The following LIMK2 variants were observed in gnomAD, a reference collection of about 807,000 sequenced individuals.
LIMK2 encodes LIM domain kinase 2.
Under a neutral mutation model 75.7 loss-of-function variants are expected in LIMK2, and 35 were observed. The ratio of observed to expected loss-of-function variants is 0.46; its 90% CI spans 0.35 to 0.61. The LOEUF (loss-of-function observed/expected upper bound fraction) is 0.61, where lower values mean the gene tolerates loss of function less well. LIMK2 is among the 20% of genes least tolerant of loss of function. LIMK2 has a pLI of 0.00. For missense variants in LIMK2, 623 were observed against 831.0 expected, an observed-to-expected ratio of 0.75 and a Z score of 3.08; for synonymous variants, 301 against 319.2, an observed-to-expected ratio of 0.94 and a Z score of 0.61.
chr22:31,222,203 T>A (rs2048439897), intron 1 of LIMK2, among the ~76,000 whole-genome samples: 1 of 151,762 alleles, frequency 6.6e-6, no homozygotes, highest in South Asian at 2.1e-4. Context: ...CCTGAGTAGC[T>A]GGGATTACAG....
chr22:31,223,486 T>A (rs2048453729), intron 1 of LIMK2, among the ~76,000 whole-genome samples: 1 of 152,132 alleles, frequency 6.6e-6, no homozygotes, highest in African/African-American at 2.4e-5. Context: ...AAGGTGTGGC[T>A]CTAAAATAAT....
intron 7 of LIMK2, among the ~76,000 whole-genome samples, chr22:31,264,689 G>A (rs1031075683): frequency 9.9e-5 from 15 of 152,172 alleles, no homozygotes; most frequent in Non-Finnish European, 1.8e-4. Flanking sequence ...TTGGGAGGCC[G>A]AGGCGGGCAA....
chr22:31,246,175 G>GCACACA (rs1300039438), intron 2 of LIMK2, among the ~76,000 whole-genome samples: 5 of 78,052 alleles, frequency 6.4e-5, no homozygotes, highest in Non-Finnish European at 1.4e-4. Flanking sequence ...TCCGACACAC[G>GCACACA]CACGCACGCA....
At chr22:31,276,965 T>G in intron 15 of LIMK2, 1 of 1,613,720 alleles carries the variant, frequency 6.2e-7, no homozygotes, top group Non-Finnish European at 8.5e-7. Context: ...GAAGAGGAGA[T>G]CTCAGAACTA....
At chr22:31,243,256 A>G (rs1339175909) in intron 2 of LIMK2, among the ~76,000 whole-genome samples, 2 of 152,104 alleles carry the variant, frequency 1.3e-5, no homozygotes, top group Non-Finnish European at 2.9e-5. Context: ...CTGCTGCTAT[A>G]ATGTAGAAAG....
intron 15 of LIMK2, chr22:31,275,514 A>G (rs1449114099): frequency 1.4e-5 from 8 of 557,338 alleles, no homozygotes; most frequent in African/African-American, 1.3e-4. Context: ...TAATCTGGAT[A>G]GGACACAGAA....
chr22:31,225,609 TA>T, intron 1 of LIMK2, 110 bp from the exon 2 acceptor site: 2 of 776,460 alleles, frequency 2.6e-6, no homozygotes, highest in South Asian at 3.1e-5. Flanking sequence ...AGCATTGGCC[TA>T]ACCCTTTCAA....
intron 15 of LIMK2, chr22:31,276,689 C>T: frequency 8.7e-7 from 1 of 1,155,724 alleles, no homozygotes; most frequent in Middle Eastern, 3.7e-4. Context: ...CGGAGGCCGC[C>T]GTGGCGGACA....
intron 1 of LIMK2, 124 bp from the exon 2 acceptor site, chr22:31,225,596 C>A: frequency 1.5e-6 from 1 of 671,634 alleles, no homozygotes; most frequent in Non-Finnish European, 2.7e-6. Context: ...GTGCATCTAG[C>A]AGAGCATTGG....
chr22:31,265,264 G>A (rs1396044819), intron 7 of LIMK2, among the ~76,000 whole-genome samples: 1 of 151,886 alleles, frequency 6.6e-6, no homozygotes, highest in East Asian at 1.9e-4. Flanking sequence ...TACTTGGGAG[G>A]CTGAGGCAGG....
In LIMK2 at chr22:31,245,344, C is replaced by T. The variant is rs142794073; in HGVS notation, c.117-12947C>T. 5.2e-3 allele frequency among the ~76,000 whole-genome samples: 788 copies of T among 152,242 alleles called. 5 individuals are homozygous for T. Among genetic ancestry groups the T allele is most frequent in the African/African-American group, 0.018 (748 of 41,534 alleles). On this transcript the variant is annotated intron_variant, in intron 2 of 15. Transcript: ENST00000331728. The stretch of plus-strand genomic sequence containing the variant: ...GAGACAGAGTTTCACTCTTGTTGCC[C>T]AGGCTGGAATGCAATGGCACGAACT...
intron 5 of LIMK2, among the ~76,000 whole-genome samples, chr22:31,260,876 A>G (rs942929334): frequency 3.9e-5 from 6 of 152,234 alleles, no homozygotes; most frequent in Non-Finnish European, 8.8e-5. Flanking sequence ...GCTGTTAAGT[A>G]TAGAGGGCCT....
intron 15 of LIMK2, 142 bp from the exon 16 acceptor site, chr22:31,278,155 C>T: frequency 1.5e-6 from 1 of 677,662 alleles, no homozygotes; most frequent in South Asian, 1.8e-5. Context: ...ACATTATGCC[C>T]ATTTCTCACA....
At chr22:31,244,447 C>T (rs2123805618) in intron 2 of LIMK2, among the ~76,000 whole-genome samples, 2 of 152,170 alleles carry the variant, frequency 1.3e-5, no homozygotes, top group Admixed American at 1.3e-4. Context: ...AAGATTGCTC[C>T]CAGCTCTCCA....
intron 15 of LIMK2, chr22:31,276,690 G>A (rs59315359): frequency 0.74 from 855,054 of 1,160,854 alleles, 317,255 homozygotes; most frequent in African/African-American, 0.95. Context: ...GGAGGCCGCC[G>A]TGGCGGACAG....
chr22:31,271,002 G>C, intron 11 of LIMK2, 134 bp from the exon 12 acceptor site: 1 of 734,354 alleles, frequency 1.4e-6, no homozygotes, highest in South Asian at 1.5e-5. Flanking sequence ...GGAGGCCCTG[G>C]CCCTGTTGTC....
intron 8 of LIMK2, among the ~76,000 whole-genome samples, chr22:31,266,397 GTTTGTTAGGTGCC>G (rs2048896138): frequency 6.6e-6 from 1 of 152,074 alleles, no homozygotes; most frequent in South Asian, 2.1e-4. Flanking sequence ...GTCAGTGGGT[GTTTGTTAGGTGCC>G]TGCAGACCTC....
intron 2 of LIMK2, among the ~76,000 whole-genome samples, chr22:31,233,624 A>G (rs1230395997): frequency 6.6e-6 from 1 of 152,172 alleles, no homozygotes; most frequent in East Asian, 1.9e-4. Flanking sequence ...ATGTTGTACT[A>G]TCAACCTGGC....
intron 2 of LIMK2, among the ~76,000 whole-genome samples, 195 bp downstream of exon 2, chr22:31,226,014 C>T (rs1281769400): frequency 1.3e-5 from 2 of 152,128 alleles, no homozygotes; most frequent in Non-Finnish European, 2.9e-5. Flanking sequence ...ATTGGAAGAG[C>T]CATAAATGGG....
Sources: gnomAD v4.1 joint callset for allele counts (sites outside exome capture counted in the v4.1 genomes callset) on GRCh38, gnomAD v4.1.1 for gene constraint, MANE v1.5 for transcripts, NCBI Gene and HGNC (gene_info 2026-07-23, HGNC 2026-07-21) for gene names.